Variants in CCDC172 observed in about 807,000 individuals in gnomAD.
The protein encoded by CCDC172 is coiled-coil domain-containing protein 172.
In CCDC172, 30 loss-of-function variants were observed where a neutral mutation model predicts 38.0. The observed-to-expected ratio is 0.79, with a 90% CI of 0.59 to 1.07. CCDC172 has a LOEUF of 1.07. Among genes scored for constraint, CCDC172 ranks in the 50% least tolerant of loss-of-function variants. The pLI, the probability that CCDC172 is intolerant of heterozygous loss-of-function variation, is 0.00. For missense variants in CCDC172, 297 were observed against 290.1 expected, an observed-to-expected ratio of 1.02 and a Z score of -0.17; for synonymous variants, 78 against 88.3, an observed-to-expected ratio of 0.88 and a Z score of 0.66.
intron 5 of CCDC172, among the ~76,000 whole-genome samples, chr10:116,346,679 A>G (rs982724563): frequency 1.3e-5 from 2 of 151,274 alleles, no homozygotes; most frequent in Non-Finnish European, 2.9e-5. Context: ...CCCTGATATC[A>G]CAGATGCTAT....
chr10:116,355,470 T>G (rs1167894121), intron 5 of CCDC172, among the ~76,000 whole-genome samples: 2 of 152,104 alleles, frequency 1.3e-5, no homozygotes, highest in Non-Finnish European at 2.9e-5. Context: ...ACATAAGGAC[T>G]TTTTTCTCAG....
At chr10:116,378,634 A>G (rs1421767034) in intron 8 of CCDC172, 124 bp downstream of exon 8, 3 of 698,294 alleles carry the variant, frequency 4.3e-6, no homozygotes, top group African/African-American at 1.9e-5. Context: ...CAGAAAAGCA[A>G]TAATGAAGAT....
chr10:116,363,259 C>G (rs972217903), intron 7 of CCDC172, among the ~76,000 whole-genome samples: 1 of 152,186 alleles, frequency 6.6e-6, no homozygotes, highest in Non-Finnish European at 1.5e-5. Context: ...CTGGCAGGAC[C>G]GCTCCCTCTT....
intron 3 of CCDC172, among the ~76,000 whole-genome samples, chr10:116,330,148 G>T (rs1189975190): frequency 6.6e-6 from 1 of 152,154 alleles, no homozygotes; most frequent in East Asian, 1.9e-4. Context: ...AGCCTAAAAT[G>T]TCAAGGCAAA....
intron 5 of CCDC172, among the ~76,000 whole-genome samples, chr10:116,348,715 C>A (rs1026721572): frequency 3.3e-5 from 5 of 152,250 alleles, no homozygotes; most frequent in Non-Finnish European, 4.4e-5. Flanking sequence ...GCCATCCCTG[C>A]AGCATCTAGT....
At chr10:116,356,101 G>A (rs984880008) in intron 5 of CCDC172, among the ~76,000 whole-genome samples, 9 of 152,180 alleles carry the variant, frequency 5.9e-5, no homozygotes, top group African/African-American at 2.2e-4. Flanking sequence ...GGGAGGCCGA[G>A]GCAGGCAGAA....
At chr10:116,343,680 A>C (rs1013073629) in intron 5 of CCDC172, among the ~76,000 whole-genome samples, 19 of 152,142 alleles carry the variant, frequency 1.2e-4, no homozygotes, top group Non-Finnish European at 2.8e-4. Flanking sequence ...AGTGCTCTTA[A>C]AAACTTTGTG....
At chr10:116,357,119 A>AT (rs1177315931) in intron 5 of CCDC172, among the ~76,000 whole-genome samples, 3 of 151,628 alleles carry the variant, frequency 2.0e-5, no homozygotes, top group Non-Finnish European at 4.4e-5. Context: ...TTTAGGATTG[A>AT]TTTTTTTTCT....
chr10:116,325,329 G>GA lies in CCDC172; in HGVS notation c.112dup (p.Ile38AsnfsTer2). ...AAGGTCGGAAATAACCAGATGTCGT[G>GA]AAAAAATTAAGAAAGCAACGGAGGA... is the stretch of plus-strand genomic sequence containing the variant. On this transcript the variant is annotated frameshift_variant, in exon 3 of 9. Coordinates refer to ENST00000333254, the MANE Select transcript of CCDC172 (RefSeq NM_198515.3). LOFTEE classifies it high-confidence loss of function. 1.2e-6 allele frequency: 2 copies of GA among 1,613,740 alleles called. No individual in the cohort carries two copies. The highest frequency in any genetic ancestry group is 1.1e-5 in the South Asian group (1 of 91,026).
intron 3 of CCDC172, among the ~76,000 whole-genome samples, chr10:116,338,559 T>G (rs539598131): frequency 3.0e-4 from 46 of 152,260 alleles, no homozygotes; most frequent in African/African-American, 1.0e-3. Context: ...AACAGCTGTC[T>G]ACTTTTTAGT....
At chr10:116,349,866 T>C (rs2134936965) in intron 5 of CCDC172, among the ~76,000 whole-genome samples, 1 of 151,860 alleles carries the variant, frequency 6.6e-6, no homozygotes, top group South Asian at 2.1e-4. Flanking sequence ...GGGGTTGCAG[T>C]GGGGTGTGTG....
intron 7 of CCDC172, among the ~76,000 whole-genome samples, chr10:116,376,216 G>T (rs1845242013): frequency 6.6e-6 from 1 of 152,072 alleles, no homozygotes; most frequent in South Asian, 2.1e-4. Context: ...ATTTTCTTTT[G>T]CATCTGCTGG....
chr10:116,337,761 C>G lies in CCDC172; in HGVS notation c.166-2973C>G, dbSNP rs189749560. Among the ~76,000 whole-genome samples, 12 of 152,240 alleles carry G rather than the reference C, an allele frequency of 7.9e-5. No homozygotes were observed. The East Asian group carries it at 2.3e-3, about 29-fold the overall frequency. On this transcript the variant is annotated intron_variant, in intron 3 of 8. Transcript: ENST00000333254. ...CATTTTATGTATTATCTTCCCAACTCTGATCTCCACCTTTGTAACAAAAAA... is the reference window on the plus strand; with the variant it reads ...CATTTTATGTATTATCTTCCCAACTGTGATCTCCACCTTTGTAACAAAAAA...
intron 5 of CCDC172, among the ~76,000 whole-genome samples, chr10:116,343,353 A>G (rs1180012373): frequency 6.6e-6 from 1 of 152,062 alleles, no homozygotes; most frequent in East Asian, 1.9e-4. Context: ...CTGTTCAGAA[A>G]GCAGAAAAAC....
intron 3 of CCDC172, among the ~76,000 whole-genome samples, chr10:116,336,223 GTAT>G (rs1310136926): frequency 1.8e-4 from 26 of 147,992 alleles, no homozygotes; most frequent in African/African-American, 5.9e-4. Context: ...TATTATACAT[GTAT>G]TATATTTTAT....
chr10:116,349,111 C>T (rs1245195452), intron 5 of CCDC172, among the ~76,000 whole-genome samples: 1 of 152,098 alleles, frequency 6.6e-6, no homozygotes, highest in Non-Finnish European at 1.5e-5. Context: ...ATTGCATGCT[C>T]CTTATGAGAA....
intron 3 of CCDC172, among the ~76,000 whole-genome samples, chr10:116,336,330 TGGCTGGAATG>T (rs1356536995): frequency 6.7e-6 from 1 of 149,336 alleles, no homozygotes; most frequent in Non-Finnish European, 1.5e-5. Flanking sequence ...AAGGCCACTG[TGGCTGGAATG>T]GGGCAAGTGA....
intron 7 of CCDC172, 90 bp downstream of exon 7, chr10:116,358,028 A>T (rs1565720377): frequency 1.5e-6 from 1 of 687,982 alleles, no homozygotes. Context: ...TCAATTATTA[A>T]TTTGAAGTTC....
chr10:116,329,395 G>C (rs2134901943), intron 3 of CCDC172, among the ~76,000 whole-genome samples: 1 of 152,164 alleles, frequency 6.6e-6, no homozygotes, highest in South Asian at 2.1e-4. Context: ...TGCACTTGCT[G>C]TTTCCTCTGC....
Sources: allele counts gnomAD v4.1 joint callset (sites outside exome capture counted in the v4.1 genomes callset), GRCh38; gene constraint gnomAD v4.1.1; transcripts MANE v1.5; gene names NCBI Gene and HGNC (gene_info 2026-07-23, HGNC 2026-07-21).